The following ADARB2 variants were observed in gnomAD, a reference collection of about 807,000 sequenced individuals.
The protein encoded by ADARB2 is adenosine deaminase RNA specific B2 (inactive).
In ADARB2, 25 loss-of-function variants were observed where a neutral mutation model predicts 62.2. The ratio of observed to expected loss-of-function variants is 0.40; its 90% confidence interval spans 0.29 to 0.56. The LOEUF (loss-of-function observed/expected upper bound fraction) is 0.56. Among genes scored for constraint, ADARB2 ranks in the 20% least tolerant of loss-of-function variants. ADARB2 has a pLI of 0.43. For synonymous variants in ADARB2, 572 were observed against 500.8 expected, an observed-to-expected ratio of 1.14 and a Z score of -1.90; for missense variants, 1,071 against 1,077.4, an observed-to-expected ratio of 0.99 and a Z score of 0.08.
At chr10:1,432,625 T>C (rs1467369910) in intron 1 of ADARB2, among the ~76,000 whole-genome samples, 4 of 151,560 alleles carry the variant, frequency 2.6e-5, no homozygotes, top group Non-Finnish European at 5.9e-5. Context: ...CAATTATGAC[T>C]TATTTCCTTT....
intron 1 of ADARB2, among the ~76,000 whole-genome samples, chr10:1,447,160 A>T (rs2131899269): frequency 6.6e-6 from 1 of 152,320 alleles, no homozygotes; most frequent in Admixed American, 6.5e-5. Flanking sequence ...GGTCAGTGGG[A>T]TACTACCTAC....
intron 1 of ADARB2, among the ~76,000 whole-genome samples, chr10:1,648,081 A>G (rs1378406014): frequency 6.6e-6 from 1 of 152,220 alleles, no homozygotes; most frequent in East Asian, 1.9e-4. Context: ...TAGACATGTT[A>G]GCAGAAAGTT....
At chr10:1,555,019 C>T (rs1034769528) in intron 1 of ADARB2, among the ~76,000 whole-genome samples, 1 of 152,118 alleles carries the variant, frequency 6.6e-6, no homozygotes. Flanking sequence ...GGATAATGGC[C>T]TCTAGAGGCA....
intron 1 of ADARB2, among the ~76,000 whole-genome samples, chr10:1,647,592 G>T (rs560106165): frequency 6.6e-6 from 1 of 151,986 alleles, no homozygotes; most frequent in Non-Finnish European, 1.5e-5. Flanking sequence ...TATAGTGTGT[G>T]TATATATGTC....
intron 1 of ADARB2, among the ~76,000 whole-genome samples, chr10:1,656,191 C>T (rs746076795): frequency 7.2e-5 from 11 of 152,186 alleles, no homozygotes; most frequent in East Asian, 1.9e-4. Context: ...GGTACTACAT[C>T]GCCAAAATGG....
intron 3 of ADARB2, among the ~76,000 whole-genome samples, chr10:1,357,481 G>GTT (rs11405570): frequency 3.3e-5 from 5 of 151,968 alleles, no homozygotes; most frequent in South Asian, 2.1e-4. Context: ...GGGATGCATG[G>GTT]TTTTTTTAGC....
At chr10:1,341,015 C>G (rs544115104) in intron 3 of ADARB2, among the ~76,000 whole-genome samples, 1 of 151,242 alleles carries the variant, frequency 6.6e-6, no homozygotes, top group African/African-American at 2.4e-5. Flanking sequence ...CCCTGTGCCC[C>G]ACATCGGCAA....
Position 1,398,938 on chromosome 10 carries a change from G to A in ADARB2, c.101-19778C>T, listed in dbSNP as rs1010702889. Among the ~76,000 whole-genome samples the A allele has an allele frequency of 2.6e-5, 4 of 152,184 alleles. No homozygotes were observed. Among genetic ancestry groups the A allele is most frequent in the Non-Finnish European group, 5.9e-5 (4 of 68,028 alleles). On this transcript the variant is annotated intron_variant, in intron 1 of 9. Transcript: ENST00000381312. This position sits in a 1 kb window ranked among gnomAD's most constrained non-coding sequence, Gnocchi z 4.1. Reference sequence around the variant, plus strand: ...CAGAGAACCACCGAAGAGCCTTCCAGGGACTTCTAAGAGTGGGCACTTACT... The same window carrying A: ...CAGAGAACCACCGAAGAGCCTTCCAAGGACTTCTAAGAGTGGGCACTTACT...
At chr10:1,375,909 A>C (rs1832422459) in intron 2 of ADARB2, among the ~76,000 whole-genome samples, 1 of 148,530 alleles carries the variant, frequency 6.7e-6, no homozygotes, top group African/African-American at 2.5e-5. Context: ...TGCACATACC[A>C]CACTTGCCAC....
chr10:1,382,728 G>GTTTT (rs1832494458), intron 1 of ADARB2, among the ~76,000 whole-genome samples: 1 of 150,066 alleles, frequency 6.7e-6, no homozygotes, highest in Non-Finnish European at 1.5e-5. Context: ...TTTTGCCTCA[G>GTTTT]TTCTGGACCT....
chr10:1,252,820 CA>C (rs1831048265), intron 4 of ADARB2, among the ~76,000 whole-genome samples: 1 of 152,166 alleles, frequency 6.6e-6, no homozygotes, highest in Non-Finnish European at 1.5e-5. Context: ...TTGCTTTTGA[CA>C]GGGGAGATTT....
At chr10:1,485,788 C>T (rs868846549) in intron 1 of ADARB2, among the ~76,000 whole-genome samples, 3 of 152,214 alleles carry the variant, frequency 2.0e-5, no homozygotes, top group African/African-American at 7.2e-5. Flanking sequence ...ATTCCTCTGT[C>T]TCACCCACCT....
At chr10:1,658,218 CTCTA>C (rs1232526243) in intron 1 of ADARB2, among the ~76,000 whole-genome samples, 3 of 151,758 alleles carry the variant, frequency 2.0e-5, no homozygotes, top group South Asian at 2.1e-4. Context: ...CTCTCTCTGT[CTCTA>C]TCTGATTCTC....
chr10:1,680,779 C>G (rs1015080870), intron 1 of ADARB2, among the ~76,000 whole-genome samples: 7 of 152,168 alleles, frequency 4.6e-5, no homozygotes, highest in African/African-American at 1.7e-4. Flanking sequence ...AGAGGTAACT[C>G]AACGTAACAG....
At chr10:1,508,853 A>G (rs546978273) in intron 1 of ADARB2, among the ~76,000 whole-genome samples, 1 of 152,202 alleles carries the variant, frequency 6.6e-6, no homozygotes, top group Non-Finnish European at 1.5e-5. Context: ...TGATTTTAGT[A>G]GACATTGGAA....
chr10:1,296,936 A>G (rs1445284616), intron 3 of ADARB2, among the ~76,000 whole-genome samples: 1 of 152,232 alleles, frequency 6.6e-6, no homozygotes, highest in Non-Finnish European at 1.5e-5. Context: ...CCTTCAGGGC[A>G]GTAACAGTCT....
chr10:1,320,138 G>A (rs763961805), intron 3 of ADARB2, among the ~76,000 whole-genome samples: 4 of 152,072 alleles, frequency 2.6e-5, no homozygotes, highest in Admixed American at 6.6e-5. Flanking sequence ...GCCTCCAGCC[G>A]CCCAACCACT....
In ADARB2 at chr10:1,505,493, T is replaced by C. The variant is rs529103136; in HGVS notation, c.101-126333A>G. On this transcript the variant is annotated intron_variant, in intron 1 of 9. Coordinates refer to ENST00000381312, the MANE Select transcript of ADARB2 (RefSeq NM_018702.4). ...GCGAAATGATTTCTCTAAGGTGTCG[T>C]CTGACTCACATCCACACACATCTTC... Among the ~76,000 whole-genome samples, 24 of 152,210 alleles carry C rather than the reference T, an allele frequency of 1.6e-4. No homozygotes were observed. In the South Asian group the frequency reaches 3.7e-3, roughly 24 times the overall value.
chr10:1,223,400 A>C lies in ADARB2; in HGVS notation c.1514-6281T>G, dbSNP rs957301760. On this transcript the variant is annotated intron_variant, in intron 6 of 9. Coordinates refer to ENST00000381312, the MANE Select transcript of ADARB2 (RefSeq NM_018702.4). ...GACTTCCTCTTTTTCTAATTGAATA[A>C]CCTTTATTTCCTTCTCCTGCCTGAT... 5.9e-5 allele frequency among the ~76,000 whole-genome samples: 9 copies of C among 152,018 alleles called. No homozygotes were observed. The South Asian group carries it at 8.3e-4, about 14-fold the overall frequency.
Sources: gnomAD v4.1 joint callset for allele counts (sites outside exome capture counted in the v4.1 genomes callset) on GRCh38, gnomAD v4.1.1 for gene constraint, Gnocchi (gnomAD v3.1) non-coding constraint, MANE v1.5 for transcripts, NCBI Gene and HGNC (gene_info 2026-07-23, HGNC 2026-07-21) for gene names.